PHLDB3: variants seen among roughly 807,000 people sequenced by gnomAD.
The protein encoded by PHLDB3 is pleckstrin homology like domain family B member 3.
PHLDB3 carries 86 observed loss-of-function variants against 85.7 expected under a neutral mutation model. That is an observed-to-expected ratio of 1.00 (90% confidence interval 0.84 to 1.20). The LOEUF (loss-of-function observed/expected upper bound fraction) is 1.20. PHLDB3 is among the 50% of genes most tolerant of loss of function. The pLI, the probability that PHLDB3 is intolerant of heterozygous loss-of-function variation, is 0.00. For synonymous variants in PHLDB3, 376 were observed against 349.8 expected (o/e 1.07, Z -0.83); for missense variants, 995 against 873.0 (o/e 1.14, Z -1.76).
At chr19:43,494,900 T>C in intron 8 of PHLDB3, 85 bp from the exon 9 acceptor site, 1 of 914,116 alleles carries the variant, frequency 1.1e-6, no homozygotes, top group South Asian at 1.6e-5. Context: ...CCCATGCCTC[T>C]AGTGCCACCC....
At chr19:43,500,313 G>A (rs1197613231) in intron 4 of PHLDB3, among the ~76,000 whole-genome samples, 4 of 152,088 alleles carry the variant, frequency 2.6e-5, no homozygotes, top group African/African-American at 9.7e-5. Flanking sequence ...ACTGGCTCAG[G>A]AAGCACTAAA....
At chr19:43,503,679 A>C (rs762238495) in intron 2 of PHLDB3, among the ~76,000 whole-genome samples, 6 of 151,576 alleles carry the variant, frequency 4.0e-5, no homozygotes, top group African/African-American at 1.5e-4. Context: ...CCGTGGCTCT[A>C]TCTGGTTTCT....
Position 43,475,460 on chromosome 19 carries a change from T to C in PHLDB3, c.1873A>G (p.Ile625Val), listed in dbSNP as rs1599927953. 3 of 1,613,880 alleles carry C rather than the reference T, an allele frequency of 1.9e-6. No individual in the cohort carries two copies. Among genetic ancestry groups the C allele is most frequent in the East Asian group, 2.2e-5 (1 of 44,828 alleles). Residue 625 changes from isoleucine (I) to valine (V), a missense_variant, in exon 16 of 16, where the codon ATT becomes GTT. Ile to Val is a conservative substitution (Grantham distance 29, BLOSUM62 3). Coordinates refer to ENST00000292140, the MANE Select transcript of PHLDB3 (RefSeq NM_198850.4). ...MVAPSPEAMRIWMDVIVTAAD... is the reference protein window; with the variant it reads ...MVAPSPEAMRVWMDVIVTAAD... ...GCGGTCACGATGACGTCCATCCAAA[T>C]GCGCATGGCTTCGGGGCTCGGAGCC...
intron 13 of PHLDB3, among the ~76,000 whole-genome samples, chr19:43,482,557 G>C (rs1971069428): frequency 6.6e-6 from 1 of 151,856 alleles, no homozygotes; most frequent in Non-Finnish European, 1.5e-5. Context: ...TGTTTGTTTT[G>C]AGACAGAGTC....
chr19:43,486,374 A>T lies in PHLDB3; in HGVS notation c.1429-52T>A, dbSNP rs1462774544. The T allele has an allele frequency of 9.1e-6, 14 of 1,531,560 alleles. No homozygotes were observed. In the South Asian group the frequency reaches 1.3e-4, roughly 15 times the overall value. The allele number at this position is 1,531,560 out of a possible 1,614,324, so 94.9% of individuals were successfully genotyped here. ...TGAGGATCCCAGCCCATAAGATGGT[A>T]GGGTGGCTGGAGAATGTCCTAGCTT... is the stretch of plus-strand genomic sequence containing the variant. On this transcript the variant is annotated intron_variant, in intron 12 of 15. Transcript: ENST00000292140.
intron 4 of PHLDB3, among the ~76,000 whole-genome samples, chr19:43,500,240 G>T (rs189536193): frequency 6.0e-5 from 9 of 151,196 alleles, no homozygotes; most frequent in Non-Finnish European, 1.2e-4. Context: ...ACTGTGTCTC[G>T]CAAAAAAAAA....
At chr19:43,497,345 G>C (rs540428629) in intron 5 of PHLDB3, 66 bp from the exon 6 acceptor site, 3 of 1,250,550 alleles carry the variant, frequency 2.4e-6, no homozygotes, top group Non-Finnish European at 3.1e-6. Context: ...TAGTGGGCTG[G>C]GGCTGGGACT....
At chr19:43,497,727 G>A (rs1214175260) in intron 5 of PHLDB3, 21 bp downstream of exon 5, 2 of 1,547,200 alleles carry the variant, frequency 1.3e-6, no homozygotes, top group Non-Finnish European at 1.7e-6. Flanking sequence ...AAACAAAAAA[G>A]AAAGAACCAG....
chr19:43,496,807 C>A, intron 6 of PHLDB3: 2 of 395,274 alleles, frequency 5.1e-6, no homozygotes, highest in Non-Finnish European at 8.8e-6. Context: ...GGCTCTGTCC[C>A]TTACTAAGGA....
intron 12 of PHLDB3, 48 bp from the exon 13 acceptor site, chr19:43,486,370 T>C: frequency 6.5e-7 from 1 of 1,539,604 alleles, no homozygotes; most frequent in Middle Eastern, 1.7e-4. Context: ...GCCCATAAGA[T>C]GGTAGGGTGG....
chr19:43,500,955 T>C (rs2355994), intron 4 of PHLDB3, among the ~76,000 whole-genome samples: 83,304 of 118,250 alleles, frequency 0.7, 29,356 homozygotes, highest in African/African-American at 0.84. Context: ...TGTGAGCCAC[T>C]TGGCCCAGCC....
At chr19:43,480,379 C>T (rs1971021067) in intron 13 of PHLDB3, among the ~76,000 whole-genome samples, 1 of 150,832 alleles carries the variant, frequency 6.6e-6, no homozygotes, top group African/African-American at 2.4e-5. Context: ...TCACTTGAGG[C>T]TATGAGTTGG....
intron 13 of PHLDB3, among the ~76,000 whole-genome samples, chr19:43,480,373 T>C (rs1971021001): frequency 6.6e-6 from 1 of 151,126 alleles, no homozygotes; most frequent in African/African-American, 2.4e-5. Flanking sequence ...GGAGGATCAC[T>C]TGAGGCTATG....
At position 43,494,071 on chromosome 19, in the gene PHLDB3, C is replaced by T. The variant is rs543818943; in HGVS notation, c.1149+631G>A. The stretch of plus-strand genomic sequence containing the variant: ...TTTTTGAGACAAAGTCTCACTCTGT[C>T]GCCTAGGCTGGAGTACAGTGGCATA... On this transcript the variant is annotated intron_variant, in intron 9 of 15. Transcript: ENST00000292140. Among the ~76,000 whole-genome samples, 16 of 152,216 alleles carry T rather than the reference C, an allele frequency of 1.1e-4. No homozygotes were observed. The South Asian group carries it at 1.7e-3, about 16-fold the overall frequency.
intron 1 of PHLDB3, chr19:43,504,375 A>G (rs551635354): frequency 7.1e-6 from 4 of 566,070 alleles, no homozygotes; most frequent in African/African-American, 3.9e-5. Context: ...CACGCCCCCT[A>G]CTGACCTCTT....
chr19:43,495,291 C>T lies in PHLDB3; in HGVS notation c.1000G>A (p.Gly334Arg), dbSNP rs766851011. Residue 334 changes from glycine to arginine, a missense_variant, in exon 8 of 16, where the codon GGG becomes AGG. Transcript: ENST00000292140. ...GCCGGGTTGGGCTCAGAGAAGTCCC[C>T]GCCAGGTGTTCCCTGAAGGCAATTG... ...ELNCLQGTPGGDFSEPNPALT... is the reference protein window; with the variant it reads ...ELNCLQGTPGRDFSEPNPALT... The T allele has an allele frequency of 9.0e-5, 146 of 1,613,686 alleles. No individual in the cohort carries two copies. In the East Asian group the frequency reaches 2.7e-3, roughly 30 times the overall value.
At chr19:43,492,659 A>G (rs1170734336) in intron 9 of PHLDB3, among the ~76,000 whole-genome samples, 1 of 150,940 alleles carries the variant, frequency 6.6e-6, no homozygotes, top group Non-Finnish European at 1.5e-5. Context: ...AAAGAACCTA[A>G]GTTCTGAAAA....
At chr19:43,503,451 C>A (rs575403400) in intron 2 of PHLDB3, among the ~76,000 whole-genome samples, 2 of 152,204 alleles carry the variant, frequency 1.3e-5, no homozygotes, top group African/African-American at 4.8e-5. Flanking sequence ...TACAGGCACG[C>A]GGCACTGCGC....
At chr19:43,498,650 G>A (rs1971522839) in intron 4 of PHLDB3, among the ~76,000 whole-genome samples, 6 of 152,190 alleles carry the variant, frequency 3.9e-5, no homozygotes, top group Admixed American at 3.9e-4. Flanking sequence ...GTAAAATCCA[G>A]AGACTGTGGG....
Sources: allele counts gnomAD v4.1 joint callset (sites outside exome capture counted in the v4.1 genomes callset), GRCh38; gene constraint gnomAD v4.1.1; transcripts MANE v1.5; gene names NCBI Gene and HGNC (gene_info 2026-07-23, HGNC 2026-07-21).